The following CHCHD6 variants were observed in gnomAD, a reference collection of about 807,000 sequenced individuals.
CHCHD6 encodes MICOS complex subunit MIC25.
In CHCHD6, 28 loss-of-function variants were observed where a neutral mutation model predicts 32.3. The observed-to-expected ratio is 0.87, with a 90% CI of 0.64 to 1.19. The LOEUF (loss-of-function observed/expected upper bound fraction) is 1.19. CHCHD6 is among the 50% of genes most tolerant of loss of function. CHCHD6 has a pLI of 0.00. For missense variants in CHCHD6, 333 were observed against 307.0 expected (o/e 1.08, Z -0.63); for synonymous variants, 122 against 117.5 (o/e 1.04, Z -0.25).
chr3:126,895,991 G>C (rs1162038832), intron 5 of CHCHD6, among the ~76,000 whole-genome samples: 4 of 152,212 alleles, frequency 2.6e-5, no homozygotes, highest in African/African-American at 4.8e-5. Context: ...AGATGTTCTA[G>C]CTCAGCAAGT....
chr3:126,948,283 G>A (rs1650000491), intron 6 of CHCHD6, among the ~76,000 whole-genome samples: 1 of 152,226 alleles, frequency 6.6e-6, no homozygotes, highest in Non-Finnish European at 1.5e-5. Context: ...TAAGGTGTTG[G>A]TGGTCCAGTC....
chr3:126,838,692 A>G (rs1940956779), intron 4 of CHCHD6, among the ~76,000 whole-genome samples: 1 of 152,214 alleles, frequency 6.6e-6, no homozygotes, highest in Admixed American at 6.5e-5. Context: ...GAACACCTAC[A>G]GCAGGGCAGA....
At chr3:126,816,272 G>A (rs1323146001) in intron 4 of CHCHD6, among the ~76,000 whole-genome samples, 3 of 152,308 alleles carry the variant, frequency 2.0e-5, no homozygotes, top group African/African-American at 7.2e-5. Flanking sequence ...TGAGCACTGA[G>A]CCAGGCACAT....
At position 126,876,022 on chromosome 3, in the gene CHCHD6, G is replaced by A. The variant is rs114818412; in HGVS notation, c.495+23292G>A. 8.8e-3 allele frequency among the ~76,000 whole-genome samples: 1,339 copies of A among 152,298 alleles called. 13 individuals carry two copies. The highest frequency in any genetic ancestry group is 0.013 in the Non-Finnish European group (856 of 68,026). On this transcript the variant is annotated intron_variant, in intron 5 of 7. Transcript: ENST00000290913. ...TTCAGTAAAATAAATAGAATATATT[G>A]TAGAATCTGGTAGTTTGCTGGTGGT...
intron 4 of CHCHD6, chr3:126,766,647 TG>T: frequency 9.8e-7 from 1 of 1,024,500 alleles, no homozygotes; most frequent in Non-Finnish European, 1.5e-6. Flanking sequence ...GCCCCAGCTA[TG>T]GTGCTCTCTC....
intron 5 of CHCHD6, among the ~76,000 whole-genome samples, chr3:126,874,310 C>A (rs1302994219): frequency 6.6e-6 from 1 of 152,220 alleles, no homozygotes; most frequent in African/African-American, 2.4e-5. Flanking sequence ...CTGAAAGATG[C>A]CTTAGGAATA....
chr3:126,911,277 T>C lies in CHCHD6; in HGVS notation c.496-3403T>C, dbSNP rs1359476283. 2.0e-5 allele frequency among the ~76,000 whole-genome samples: 3 copies of C among 152,148 alleles called. No homozygotes were observed. In the East Asian group the frequency reaches 5.8e-4, roughly 29 times the overall value. On this transcript the variant is annotated intron_variant, in intron 5 of 7. Transcript: ENST00000290913. ...GAACCTTCTGGCACTTGGCGGGTTC[T>C]CAGTGTGCACGTTGGTAGTGTCTAG... is the stretch of plus-strand genomic sequence containing the variant.
At chr3:126,807,047 G>A (rs1304086041) in intron 4 of CHCHD6, among the ~76,000 whole-genome samples, 1 of 116,454 alleles carries the variant, frequency 8.6e-6, no homozygotes. Flanking sequence ...GGGGCCTGCT[G>A]TGGGGTGGGG....
chr3:126,724,261 T>A (rs1282805761), intron 1 of CHCHD6, among the ~76,000 whole-genome samples: 1 of 152,086 alleles, frequency 6.6e-6, no homozygotes, highest in Non-Finnish European at 1.5e-5. Context: ...AGGGAAAAGG[T>A]GATACTGGCA....
intron 3 of CHCHD6, among the ~76,000 whole-genome samples, chr3:126,732,278 T>C (rs1935844735): frequency 6.6e-6 from 1 of 152,214 alleles, no homozygotes; most frequent in Non-Finnish European, 1.5e-5. Flanking sequence ...TTTCATGTTC[T>C]TCTCCACCCA....
At chr3:126,891,411 G>A (rs1382318550) in intron 5 of CHCHD6, among the ~76,000 whole-genome samples, 1 of 152,268 alleles carries the variant, frequency 6.6e-6, no homozygotes. Context: ...GGGGATGGCC[G>A]GTGCACCAGG....
intron 5 of CHCHD6, among the ~76,000 whole-genome samples, chr3:126,907,505 T>C (rs927748026): frequency 6.6e-6 from 1 of 152,238 alleles, no homozygotes; most frequent in African/African-American, 2.4e-5. Flanking sequence ...TTTGTGGTTT[T>C]TACTATTTTC....
At chr3:126,787,317 T>C (rs1473903092) in intron 4 of CHCHD6, among the ~76,000 whole-genome samples, 1 of 152,246 alleles carries the variant, frequency 6.6e-6, no homozygotes, top group Non-Finnish European at 1.5e-5. Flanking sequence ...GGCTCTTTTT[T>C]GGTTCCATAT....
intron 4 of CHCHD6, among the ~76,000 whole-genome samples, chr3:126,823,954 A>G (rs554394912): frequency 6.6e-6 from 1 of 152,276 alleles, no homozygotes; most frequent in Non-Finnish European, 1.5e-5. Flanking sequence ...ACGTGCCTAT[A>G]GTCCCAGCTA....
intron 6 of CHCHD6, among the ~76,000 whole-genome samples, chr3:126,947,146 G>A (rs778976166): frequency 6.6e-6 from 1 of 152,234 alleles, no homozygotes; most frequent in Non-Finnish European, 1.5e-5. Flanking sequence ...GAACGACTTG[G>A]CCACCTACGA....
At chr3:126,925,346 A>G (rs759537349) in intron 6 of CHCHD6, among the ~76,000 whole-genome samples, 43 of 152,186 alleles carry the variant, frequency 2.8e-4, no homozygotes, top group Non-Finnish European at 5.6e-4. Flanking sequence ...TATTCCTCTG[A>G]GAAGGAAACA....
intron 4 of CHCHD6, chr3:126,767,393 A>T (rs774105550): frequency 5.3e-6 from 4 of 755,652 alleles, no homozygotes; most frequent in Non-Finnish European, 9.9e-6. Flanking sequence ...GAGGCCCTCG[A>T]TGAGTCTGGG....
chr3:126,714,714 G>T (rs1438856016), intron 1 of CHCHD6, among the ~76,000 whole-genome samples: 1 of 152,096 alleles, frequency 6.6e-6, no homozygotes, highest in Non-Finnish European at 1.5e-5. Context: ...TCTCTTCCTC[G>T]TTTTCCAGTG....
At chr3:126,801,745 G>C (rs1032002955) in intron 4 of CHCHD6, among the ~76,000 whole-genome samples, 1 of 152,146 alleles carries the variant, frequency 6.6e-6, no homozygotes, top group Non-Finnish European at 1.5e-5. Flanking sequence ...ATCTGAGAAC[G>C]GGCAGACTGC....
Sources: gnomAD v4.1 joint callset for allele counts (sites outside exome capture counted in the v4.1 genomes callset) on GRCh38, gnomAD v4.1.1 for gene constraint, MANE v1.5 for transcripts, NCBI Gene and HGNC (gene_info 2026-07-23, HGNC 2026-07-21) for gene names.